LINGO2: variants seen among roughly 807,000 people sequenced by gnomAD.
LINGO2 encodes leucine-rich repeat and immunoglobulin-like domain-containing nogo receptor-interacting protein 2.
In LINGO2, 14 loss-of-function variants were observed where a neutral mutation model predicts 30.6. The observed-to-expected ratio is 0.46, with a 90% CI of 0.30 to 0.72. The LOEUF (loss-of-function observed/expected upper bound fraction) is 0.72, where lower values mean the gene tolerates loss of function less well. Among genes scored for constraint, LINGO2 ranks in the 30% least tolerant of loss-of-function variants. LINGO2 has a pLI of 0.07. For synonymous variants in LINGO2, 317 were observed against 288.5 expected (o/e 1.10, Z -1.00); for missense variants, 729 against 751.7 (o/e 0.97, Z 0.35).
At chr9:27,961,151 G>A (rs760112776) in intron 5 of LINGO2, among the ~76,000 whole-genome samples, 1 of 152,098 alleles carries the variant, frequency 6.6e-6, no homozygotes, top group African/African-American at 2.4e-5. Context: ...TCTGTTAGAT[G>A]ATATTGTCCA....
At chr9:28,045,159 C>T (rs556336509) in intron 4 of LINGO2, among the ~76,000 whole-genome samples, 1 of 152,024 alleles carries the variant, frequency 6.6e-6, no homozygotes, top group African/African-American at 2.4e-5. Context: ...CCATTCCCAC[C>T]ACTACCCCTC....
At chr9:28,946,889 A>C in the LINGO2 span, among the ~76,000 whole-genome samples, 1 of 152,110 alleles carries the variant, frequency 6.6e-6, no homozygotes, top group Admixed American at 6.6e-5. Context: ...GACAGAGTAC[A>C]TATGTGGTTC....
intron 1 of LINGO2, among the ~76,000 whole-genome samples, chr9:28,548,146 A>G (rs1323206307): frequency 1.3e-5 from 2 of 152,088 alleles, no homozygotes; most frequent in Admixed American, 1.3e-4. Context: ...AGCCTGCCAG[A>G]GTTTCAAGAA....
chr9:28,193,024 G>C (rs1303272290), intron 4 of LINGO2, among the ~76,000 whole-genome samples: 1 of 152,094 alleles, frequency 6.6e-6, no homozygotes, highest in South Asian at 2.1e-4. Flanking sequence ...GTGCTGAATA[G>C]CTCACATTTG....
At chr9:29,166,430 T>C in the LINGO2 span, among the ~76,000 whole-genome samples, 1 of 152,018 alleles carries the variant, frequency 6.6e-6, no homozygotes, top group Non-Finnish European at 1.5e-5. Flanking sequence ...GAACACGAAC[T>C]CTCCAGTTAT....
chr9:28,781,963 A>T, the LINGO2 span, among the ~76,000 whole-genome samples: 1 of 152,194 alleles, frequency 6.6e-6, no homozygotes, highest in Non-Finnish European at 1.5e-5. Flanking sequence ...TTTGAATTAC[A>T]TCAGAGGGAA....
rs112914702 is a variant in LINGO2, at chr9:28,228,017, A to T, written c.-87+67191T>A. 3.0e-4 allele frequency among the ~76,000 whole-genome samples: 46 copies of T among 152,220 alleles called. 1 individual carries two copies. Among genetic ancestry groups the T allele is most frequent in the Non-Finnish European group, 5.6e-4 (38 of 67,926 alleles). ...TAAATAAATAGTCATTCATAAATAG[A>T]TCATCAGATCGATAGATGATAGGAG... is the stretch of plus-strand genomic sequence containing the variant. On this transcript the variant is annotated intron_variant, in intron 4 of 5. Coordinates refer to ENST00000379992, the Ensembl canonical transcript of LINGO2.
Position 28,559,723 on chromosome 9 carries a change from T to C in LINGO2, c.-364-83698A>G, listed in dbSNP as rs79770019. On this transcript the variant is annotated intron_variant, in intron 1 of 5. Transcript: ENST00000379992. ...AGTCTTGTGTCCTTTTCTCCATTTTTCTGTTAAATTTTTTTTGTTCTGTAC... is the reference window on the plus strand; with the variant it reads ...AGTCTTGTGTCCTTTTCTCCATTTTCCTGTTAAATTTTTTTTGTTCTGTAC... Among the ~76,000 whole-genome samples the C allele has an allele frequency of 2.9e-3, 448 of 152,272 alleles. 4 individuals carry two copies. The highest frequency in any genetic ancestry group is 0.01 in the Middle Eastern group (3 of 294).
At chr9:27,979,831 G>C (rs767986489) in intron 5 of LINGO2, among the ~76,000 whole-genome samples, 1 of 151,912 alleles carries the variant, frequency 6.6e-6, no homozygotes, top group Non-Finnish European at 1.5e-5. Flanking sequence ...GCTTTCACAG[G>C]AAATAATTAG....
chr9:28,790,027 G>T, the LINGO2 span, among the ~76,000 whole-genome samples: 2 of 152,128 alleles, frequency 1.3e-5, no homozygotes, highest in African/African-American at 4.8e-5. Flanking sequence ...GTTACCTGTG[G>T]TCAACTGCGG....
chr9:28,050,014 G>T (rs1459126363), intron 4 of LINGO2, among the ~76,000 whole-genome samples: 1 of 150,806 alleles, frequency 6.6e-6, no homozygotes, highest in Non-Finnish European at 1.5e-5. Flanking sequence ...AGACAGTGAA[G>T]GCTGAAGCAG....
At chr9:28,197,430 A>G (rs1820054198) in intron 4 of LINGO2, among the ~76,000 whole-genome samples, 1 of 152,000 alleles carries the variant, frequency 6.6e-6, no homozygotes, top group East Asian at 1.9e-4. Context: ...AGTTTATAGT[A>G]AAGTGAATAT....
chr9:28,501,276 G>A (rs1819871109), intron 1 of LINGO2, among the ~76,000 whole-genome samples: 1 of 152,134 alleles, frequency 6.6e-6, no homozygotes, highest in South Asian at 2.1e-4. Flanking sequence ...GCAGCATGCT[G>A]CGTTCTTTGT....
chr9:28,099,275 C>A (rs1005610628), intron 4 of LINGO2, among the ~76,000 whole-genome samples: 2 of 152,048 alleles, frequency 1.3e-5, no homozygotes, highest in African/African-American at 4.8e-5. Context: ...TTTAAAGTGC[C>A]AATTCACGGA....
At chr9:29,000,967 T>G in the LINGO2 span, among the ~76,000 whole-genome samples, 1 of 152,006 alleles carries the variant, frequency 6.6e-6, no homozygotes, top group East Asian at 1.9e-4. Context: ...ATATCAGAAT[T>G]TTTTATATCT....
the LINGO2 span, among the ~76,000 whole-genome samples, chr9:28,790,756 A>C: frequency 2.0e-5 from 3 of 152,206 alleles, no homozygotes; most frequent in African/African-American, 7.2e-5. Context: ...TTGTTATAAT[A>C]GTTTATCAGT....
the LINGO2 span, among the ~76,000 whole-genome samples, chr9:29,137,803 T>A: frequency 6.6e-6 from 1 of 152,072 alleles, no homozygotes; most frequent in Non-Finnish European, 1.5e-5. Context: ...AATGGCAGGC[T>A]CCCTTCCTGT....
chr9:28,514,983 G>C (rs1033094995), intron 1 of LINGO2, among the ~76,000 whole-genome samples: 1 of 151,564 alleles, frequency 6.6e-6, no homozygotes, highest in Non-Finnish European at 1.5e-5. Context: ...TTATAGCATG[G>C]TTACTGAATA....
the LINGO2 span, among the ~76,000 whole-genome samples, chr9:28,955,492 G>C: frequency 6.6e-6 from 1 of 152,070 alleles, no homozygotes; most frequent in Non-Finnish European, 1.5e-5. Flanking sequence ...GAGGTAGTAA[G>C]GGATGTCCTG....
Sources: allele counts gnomAD v4.1 joint callset (sites outside exome capture counted in the v4.1 genomes callset), GRCh38; gene constraint gnomAD v4.1.1; transcripts MANE v1.5; gene names NCBI Gene and HGNC (gene_info 2026-07-23, HGNC 2026-07-21).